Variants in NELL1 observed in about 807,000 individuals in gnomAD.
NELL1 encodes protein kinase C-binding protein NELL1.
A neutral mutation model predicts 107.4 loss-of-function variants in NELL1; 76 were observed. That is an observed-to-expected ratio of 0.71 (90% confidence interval 0.59 to 0.86). The LOEUF is 0.86. Among genes scored for constraint, NELL1 ranks in the 40% least tolerant of loss-of-function variants. NELL1 has a pLI of 0.00. For missense variants in NELL1, 1,024 were observed against 1,005.5 expected (o/e 1.02, Z -0.25); for synonymous variants, 353 against 341.2 (o/e 1.03, Z -0.38).
intron 16 of NELL1, among the ~76,000 whole-genome samples, chr11:21,550,024 G>A (rs562043264): frequency 7.7e-4 from 117 of 151,916 alleles, no homozygotes; most frequent in African/African-American, 2.6e-3. Flanking sequence ...AATTTGTTAA[G>A]TGGCACTTAG....
intron 3 of NELL1, among the ~76,000 whole-genome samples, chr11:20,838,594 G>C (rs1044427633): frequency 1.3e-5 from 2 of 151,988 alleles, no homozygotes; most frequent in African/African-American, 4.8e-5. Context: ...TGGATACTGA[G>C]AAGACTGGGT....
intron 13 of NELL1, among the ~76,000 whole-genome samples, chr11:21,140,552 A>C (rs1855843101): frequency 6.6e-6 from 1 of 152,194 alleles, no homozygotes; most frequent in South Asian, 2.1e-4. Context: ...CTAGCTTTGG[A>C]TGAGGCTTTG....
At chr11:20,849,859 A>G (rs1482124678) in intron 4 of NELL1, among the ~76,000 whole-genome samples, 1 of 152,220 alleles carries the variant, frequency 6.6e-6, no homozygotes, top group Non-Finnish European at 1.5e-5. Flanking sequence ...AACATATTAA[A>G]AAAATGGATA....
intron 9 of NELL1, among the ~76,000 whole-genome samples, chr11:20,930,484 T>C (rs966104590): frequency 6.6e-6 from 1 of 152,234 alleles, no homozygotes; most frequent in East Asian, 1.9e-4. Context: ...TCCCAAGTCA[T>C]TGATATCTAG....
intron 14 of NELL1, among the ~76,000 whole-genome samples, chr11:21,363,146 T>C (rs1199051244): frequency 6.6e-6 from 1 of 152,204 alleles, no homozygotes; most frequent in Middle Eastern, 3.4e-3. Flanking sequence ...CCACTGCCAA[T>C]TTCAGGTGAG....
intron 2 of NELL1, among the ~76,000 whole-genome samples, chr11:20,778,860 G>C (rs1260725226): frequency 1.3e-5 from 2 of 152,196 alleles, no homozygotes; most frequent in Admixed American, 1.3e-4. Context: ...AGGGGAAAGA[G>C]ATGGAGTAGG....
intron 5 of NELL1, among the ~76,000 whole-genome samples, chr11:20,917,771 C>A (rs886348514): frequency 6.6e-6 from 1 of 151,882 alleles, no homozygotes; most frequent in Non-Finnish European, 1.5e-5. Flanking sequence ...TTATTTCCTT[C>A]GCTAAATGAA....
At chr11:20,929,969 C>CA (rs971079446) in intron 9 of NELL1, among the ~76,000 whole-genome samples, 1,812 of 93,702 alleles carry the variant, frequency 0.019, 43 homozygotes, top group African/African-American at 0.071. Flanking sequence ...GAGTCTGTCT[C>CA]AAAAAAAAAA....
At chr11:20,927,131 A>G in intron 7 of NELL1, 177 bp from the exon 8 acceptor site, 1 of 572,044 alleles carries the variant, frequency 1.7e-6, no homozygotes, top group Non-Finnish European at 3.0e-6. Flanking sequence ...ATTTAGAGTG[A>G]TTCCACCTTG....
chr11:21,294,870 T>C (rs933350351), intron 14 of NELL1, among the ~76,000 whole-genome samples: 1 of 151,974 alleles, frequency 6.6e-6, no homozygotes, highest in African/African-American at 2.4e-5. Flanking sequence ...TACTATAGAC[T>C]CACAGAATTT....
intron 15 of NELL1, among the ~76,000 whole-genome samples, chr11:21,442,643 G>T (rs1853313477): frequency 6.6e-6 from 1 of 152,116 alleles, no homozygotes; most frequent in African/African-American, 2.4e-5. Flanking sequence ...CTTCTTATGT[G>T]CATGGAACTT....
At chr11:21,088,298 T>A (rs990417878) in intron 12 of NELL1, among the ~76,000 whole-genome samples, 1 of 152,192 alleles carries the variant, frequency 6.6e-6, no homozygotes, top group African/African-American at 2.4e-5. Flanking sequence ...AGAGTGCCTC[T>A]GTATTGCTGG....
intron 15 of NELL1, among the ~76,000 whole-genome samples, chr11:21,515,225 T>C (rs367812034): frequency 9.9e-5 from 15 of 152,204 alleles, no homozygotes; most frequent in African/African-American, 3.4e-4. Flanking sequence ...ACTGTTGTGC[T>C]TCTACTTCTT....
At chr11:21,081,610 G>A (rs1054815567) in intron 12 of NELL1, among the ~76,000 whole-genome samples, 54 of 152,140 alleles carry the variant, frequency 3.5e-4, no homozygotes, top group Admixed American at 8.5e-4. Flanking sequence ...CTGGAAGCAT[G>A]AGAGTCATTC....
intron 1 of NELL1, among the ~76,000 whole-genome samples, chr11:20,670,161 C>T (rs988616910): frequency 1.2e-4 from 18 of 152,126 alleles, no homozygotes; most frequent in Non-Finnish European, 2.1e-4. Context: ...CTCTCGCCGA[C>T]CCCCGCCAGG....
chr11:21,121,582 T>A (rs956826197), intron 13 of NELL1, among the ~76,000 whole-genome samples: 1 of 152,114 alleles, frequency 6.6e-6, no homozygotes, highest in African/African-American at 2.4e-5. Flanking sequence ...TCTAGAGCCA[T>A]GATAGAGCCT....
chr11:21,492,056 C>A (rs1039416303), intron 15 of NELL1, among the ~76,000 whole-genome samples: 25 of 152,048 alleles, frequency 1.6e-4, no homozygotes, highest in Admixed American at 5.9e-4. Flanking sequence ...AAGGAAAAAA[C>A]AAACAATCCC....
chr11:20,978,548 T>C (rs1248803136), intron 12 of NELL1, among the ~76,000 whole-genome samples: 2 of 152,198 alleles, frequency 1.3e-5, no homozygotes, highest in Non-Finnish European at 2.9e-5. Flanking sequence ...TTTGTGTATC[T>C]TAGATAGAAG....
intron 15 of NELL1, among the ~76,000 whole-genome samples, chr11:21,423,762 C>T (rs534010108): frequency 6.2e-4 from 94 of 152,300 alleles, no homozygotes; most frequent in Non-Finnish European, 1.2e-3. Context: ...GAGATAAATG[C>T]TATACAGTGT....
Sources: gnomAD v4.1 joint callset for allele counts (sites outside exome capture counted in the v4.1 genomes callset) on GRCh38, gnomAD v4.1.1 for gene constraint, MANE v1.5 for transcripts, NCBI Gene and HGNC (gene_info 2026-07-23, HGNC 2026-07-21) for gene names.